The following PLPPR1 variants were observed in gnomAD, a reference collection of about 807,000 sequenced individuals.
PLPPR1 encodes the protein phospholipid phosphatase-related protein type 1.
A neutral mutation model predicts 33.1 loss-of-function variants in PLPPR1; 10 were observed. The observed-to-expected ratio is 0.30, with a 90% CI of 0.19 to 0.51. PLPPR1 has a LOEUF of 0.51. Among genes scored for constraint, PLPPR1 ranks in the 20% least tolerant of loss-of-function variants. PLPPR1 has a pLI of 0.97. For synonymous variants in PLPPR1, 151 were observed against 151.0 expected, an observed-to-expected ratio of 1.00 and a Z score of 0.00; for missense variants, 304 against 408.1, an observed-to-expected ratio of 0.74 and a Z score of 2.20.
At chr9:101,234,482 TTTA>T (rs1285683035) in intron 2 of PLPPR1, among the ~76,000 whole-genome samples, 1 of 151,860 alleles carries the variant, frequency 6.6e-6, no homozygotes, top group African/African-American at 2.4e-5. Context: ...AGCCCTCCCT[TTTA>T]TTGACTTGGT....
Position 101,108,072 on chromosome 9 carries a change from C to A in PLPPR1, c.-45-77378C>A, listed in dbSNP as rs370410919. 6.1e-4 allele frequency among the ~76,000 whole-genome samples: 90 copies of A among 147,352 alleles called. 5 individuals are homozygous for A. Among genetic ancestry groups the A allele is most frequent in the African/African-American group, 2.2e-3 (86 of 38,784 alleles). On this transcript the variant is annotated intron_variant, in intron 1 of 7. Coordinates refer to ENST00000374874, the MANE Select transcript of PLPPR1 (RefSeq NM_207299.2). The stretch of plus-strand genomic sequence containing the variant: ...CTGGCACTCCCTAGTGAGATGAACC[C>A]GGTACCTCAGATGGAAATGCAGAAA...
At chr9:101,252,419 G>T (rs1827727758) in intron 2 of PLPPR1, among the ~76,000 whole-genome samples, 1 of 152,140 alleles carries the variant, frequency 6.6e-6, no homozygotes, top group Non-Finnish European at 1.5e-5. Flanking sequence ...TGATCTGACA[G>T]CCACAAGGAG....
intron 2 of PLPPR1, among the ~76,000 whole-genome samples, chr9:101,263,962 A>G (rs1228988022): frequency 6.6e-6 from 1 of 151,642 alleles, no homozygotes; most frequent in Non-Finnish European, 1.5e-5. Context: ...TCTGTTGTAT[A>G]TGGAGGACCT....
intron 1 of PLPPR1, among the ~76,000 whole-genome samples, chr9:101,041,834 T>G (rs1376623823): frequency 6.6e-6 from 1 of 152,192 alleles, no homozygotes; most frequent in Non-Finnish European, 1.5e-5. Flanking sequence ...ATGGTTCTCT[T>G]GCTTTGAACA....
intron 1 of PLPPR1, among the ~76,000 whole-genome samples, chr9:101,183,897 C>T (rs886190456): frequency 5.9e-5 from 9 of 151,696 alleles, no homozygotes; most frequent in Non-Finnish European, 1.2e-4. Context: ...TGCTTTTTCT[C>T]GTGCCTCTGC....
intron 3 of PLPPR1, among the ~76,000 whole-genome samples, chr9:101,281,032 C>T (rs1349362199): frequency 6.6e-6 from 1 of 151,754 alleles, no homozygotes; most frequent in African/African-American, 2.4e-5. Flanking sequence ...AAAGACTCCA[C>T]CAAAAAAAAC....
chr9:101,281,206 A>G (rs1352981638), intron 3 of PLPPR1, among the ~76,000 whole-genome samples: 1 of 152,076 alleles, frequency 6.6e-6, no homozygotes. Context: ...GAATAAACTT[A>G]ATCAAATAAG....
intron 1 of PLPPR1, among the ~76,000 whole-genome samples, chr9:101,030,104 G>A (rs764894047): frequency 7.2e-5 from 11 of 151,982 alleles, no homozygotes; most frequent in Non-Finnish European, 1.6e-4. Flanking sequence ...AAAAGGTCCT[G>A]AGAAAAGGAT....
chr9:101,238,331 ACCTCTCTATATATAGAGGTG>A (rs1827372978), intron 2 of PLPPR1, among the ~76,000 whole-genome samples: 3 of 118,446 alleles, frequency 2.5e-5, no homozygotes, highest in Non-Finnish European at 5.1e-5. Context: ...ATGTATATAT[ACCTCTCTATATATAGAGGTG>A]TATATATATA....
chr9:101,197,190 C>A (rs191456582), intron 2 of PLPPR1, among the ~76,000 whole-genome samples: 1 of 152,126 alleles, frequency 6.6e-6, no homozygotes, highest in Non-Finnish European at 1.5e-5. Context: ...ATTTTGGTCA[C>A]GCGTATCTGT....
At chr9:101,045,301 C>A (rs1830131308) in intron 1 of PLPPR1, among the ~76,000 whole-genome samples, 1 of 152,172 alleles carries the variant, frequency 6.6e-6, no homozygotes, top group Non-Finnish European at 1.5e-5. Context: ...GAGGTCTTGG[C>A]AGTTAGACAA....
chr9:101,141,353 G>T (rs1037385616), intron 1 of PLPPR1, among the ~76,000 whole-genome samples: 3 of 152,202 alleles, frequency 2.0e-5, no homozygotes, highest in Admixed American at 2.0e-4. Flanking sequence ...CGTTATGCCA[G>T]TCACTGGGGT....
intron 1 of PLPPR1, among the ~76,000 whole-genome samples, chr9:101,057,446 A>T (rs1830291188): frequency 2.6e-5 from 4 of 152,210 alleles, no homozygotes; most frequent in Admixed American, 2.6e-4. Context: ...TTATCAAGGT[A>T]TATCATTCTA....
chr9:101,032,771 C>A (rs961312359), intron 1 of PLPPR1, among the ~76,000 whole-genome samples: 14 of 152,020 alleles, frequency 9.2e-5, no homozygotes, highest in African/African-American at 3.4e-4. Flanking sequence ...GGCCACAAAT[C>A]AAAACAAAAA....
intron 2 of PLPPR1, among the ~76,000 whole-genome samples, chr9:101,257,347 CCAAA>C (rs1485986920): frequency 1.3e-5 from 2 of 152,190 alleles, no homozygotes; most frequent in East Asian, 1.9e-4. Context: ...ATAATATGTC[CCAAA>C]CAGTTTCATA....
intron 4 of PLPPR1, among the ~76,000 whole-genome samples, chr9:101,304,733 A>G (rs1828816468): frequency 6.6e-6 from 1 of 152,184 alleles, no homozygotes; most frequent in Non-Finnish European, 1.5e-5. Flanking sequence ...GCAGACGTAC[A>G]CAGCCCCAAG....
intron 2 of PLPPR1, among the ~76,000 whole-genome samples, chr9:101,195,913 A>G (rs58661374): frequency 0.13 from 20,374 of 152,220 alleles, 1,616 homozygotes; most frequent in East Asian, 0.31. Context: ...TCCCTCATGG[A>G]GCATAAGCCC....
chr9:101,077,450 A>G (rs1054596246), intron 1 of PLPPR1, among the ~76,000 whole-genome samples: 2 of 152,188 alleles, frequency 1.3e-5, no homozygotes, highest in Admixed American at 6.5e-5. Context: ...ATGCAGCCAC[A>G]TTAGTGGGTA....
intron 1 of PLPPR1, among the ~76,000 whole-genome samples, chr9:101,134,230 C>T (rs1831350399): frequency 6.6e-6 from 1 of 152,146 alleles, no homozygotes; most frequent in Non-Finnish European, 1.5e-5. Context: ...TAAGCCTTTA[C>T]TGACTGCTTA....
Sources: allele counts gnomAD v4.1 joint callset (sites outside exome capture counted in the v4.1 genomes callset), GRCh38; gene constraint gnomAD v4.1.1; transcripts MANE v1.5; gene names NCBI Gene and HGNC (gene_info 2026-07-23, HGNC 2026-07-21).